Variants in MYO3A observed in about 807,000 individuals in gnomAD.
MYO3A encodes myosin-IIIa.
In MYO3A, 180 loss-of-function variants were observed where a neutral mutation model predicts 192.7. The ratio of observed to expected loss-of-function variants is 0.93; its 90% CI spans 0.83 to 1.06. MYO3A has a LOEUF of 1.06. Ranked by LOEUF, MYO3A falls within the 50% of genes least tolerant of loss-of-function variation. MYO3A has a pLI of 0.00. For missense variants in MYO3A, 1,896 were observed against 1,905.0 expected, an observed-to-expected ratio of 1.00 and a Z score of 0.09; for synonymous variants, 628 against 645.3, an observed-to-expected ratio of 0.97 and a Z score of 0.41.
intron 20 of MYO3A, among the ~76,000 whole-genome samples, chr10:26,132,595 G>A (rs957941054): frequency 6.6e-6 from 1 of 152,060 alleles, no homozygotes; most frequent in African/African-American, 2.4e-5. Flanking sequence ...TTATTTATGT[G>A]TGCCTATTTG....
At chr10:25,995,338 C>T (rs957332728) in intron 4 of MYO3A, among the ~76,000 whole-genome samples, 8 of 152,144 alleles carry the variant, frequency 5.3e-5, no homozygotes, top group African/African-American at 1.2e-4. Flanking sequence ...GTTCTCGTGC[C>T]GTGGTTTTCA....
intron 10 of MYO3A, among the ~76,000 whole-genome samples, chr10:26,047,915 A>G (rs557279976): frequency 1.7e-3 from 254 of 152,206 alleles, no homozygotes; most frequent in African/African-American, 5.6e-3. Flanking sequence ...AACAAGATGC[A>G]TGGGTTGAAT....
At chr10:26,096,988 G>A (rs1837079551) in intron 17 of MYO3A, among the ~76,000 whole-genome samples, 1 of 151,232 alleles carries the variant, frequency 6.6e-6, no homozygotes, top group Non-Finnish European at 1.5e-5. Flanking sequence ...TAAATTGCAT[G>A]TTCTTTTTAG....
At chr10:26,191,973 A>G (rs1589109516) in intron 31 of MYO3A, among the ~76,000 whole-genome samples, 1 of 152,220 alleles carries the variant, frequency 6.6e-6, no homozygotes, top group East Asian at 1.9e-4. Context: ...GCTCAGGTGT[A>G]TTGAATGAAG....
intron 31 of MYO3A, among the ~76,000 whole-genome samples, chr10:26,190,352 T>G (rs1232104265): frequency 3.3e-5 from 5 of 152,220 alleles, no homozygotes; most frequent in East Asian, 1.9e-4. Context: ...GAAATAATGC[T>G]GCCATTGAGG....
At chr10:26,202,891 A>C in intron 33 of MYO3A, 73 bp from the exon 34 acceptor site, 3 of 1,535,618 alleles carry the variant, frequency 2.0e-6, no homozygotes, top group Non-Finnish European at 1.8e-6. Flanking sequence ...TTAAAGAAAA[A>C]AAAGTATCCT....
intron 25 of MYO3A, among the ~76,000 whole-genome samples, chr10:26,157,079 C>T (rs533879807): frequency 1.6e-4 from 24 of 152,224 alleles, no homozygotes; most frequent in African/African-American, 5.8e-4. Flanking sequence ...CTTTTAATAG[C>T]TAAATTTCTA....
At chr10:26,029,322 A>T (rs1283213871) in intron 10 of MYO3A, among the ~76,000 whole-genome samples, 1 of 152,138 alleles carries the variant, frequency 6.6e-6, no homozygotes, top group Non-Finnish European at 1.5e-5. Context: ...GAAATTTTTC[A>T]GTTGTTCTTT....
Position 26,125,629 on chromosome 10 carries a change from A to T in MYO3A, c.2114+21A>T, listed in dbSNP as rs748248438. On this transcript the variant is annotated intron_variant, in intron 19 of 34. Transcript: ENST00000642920. ...CCAAGGTAAAAATTTTTACAGAAACATTTTTTTCCCAAATGTCAGGTGATG... is the reference window on the plus strand; with the variant it reads ...CCAAGGTAAAAATTTTTACAGAAACTTTTTTTTCCCAAATGTCAGGTGATG... 9.1e-5 allele frequency: 146 copies of T among 1,599,248 alleles called. No homozygotes were observed. The Admixed American group carries it at 2.4e-3, about 26-fold the overall frequency.
intron 31 of MYO3A, 147 bp from the exon 32 acceptor site, chr10:26,193,058 G>C (rs995705951): frequency 4.3e-6 from 3 of 691,722 alleles, no homozygotes; most frequent in Non-Finnish European, 5.1e-6. Flanking sequence ...GTAGGATAAG[G>C]GTTGGTTATG....
chr10:26,013,319 AT>A (rs1841789295), intron 6 of MYO3A, among the ~76,000 whole-genome samples: 1 of 134,732 alleles, frequency 7.4e-6, no homozygotes, highest in Non-Finnish European at 1.8e-5. Context: ...AGAATAAATA[AT>A]CAACGGAATA....
chr10:26,055,158 G>A (rs72795849), intron 10 of MYO3A, among the ~76,000 whole-genome samples: 24,865 of 152,026 alleles, frequency 0.16, 2,329 homozygotes, highest in Non-Finnish European at 0.21. Context: ...CACTTCTTCC[G>A]CTTGCAGCTT....
Position 26,168,699 on chromosome 10 carries a change from T to G in MYO3A, c.3112-13T>G. On this transcript the variant is annotated splice_polypyrimidine_tract_variant and intron_variant, in intron 27 of 34. Transcript: ENST00000642920. Reference sequence around the variant, plus strand: ...TGTGCCATGGTTCTTTGTATTATATTTTAATTTTTCAGGTGTTCCTTAAGT... The same window carrying G: ...TGTGCCATGGTTCTTTGTATTATATGTTAATTTTTCAGGTGTTCCTTAAGT... 6.2e-7 allele frequency: 1 copy of G among 1,610,242 alleles called. No individual in the cohort carries two copies. The highest frequency in any genetic ancestry group is 1.1e-5 in the South Asian group (1 of 90,960).
chr10:26,038,213 G>A (rs996839678), intron 10 of MYO3A, among the ~76,000 whole-genome samples: 26 of 152,062 alleles, frequency 1.7e-4, no homozygotes, highest in East Asian at 1.9e-4. Context: ...ATAAATTTTA[G>A]CAGTGTTTTT....
At chr10:25,943,356 C>T (rs1185536196) in intron 2 of MYO3A, among the ~76,000 whole-genome samples, 1 of 152,008 alleles carries the variant, frequency 6.6e-6, no homozygotes, top group Non-Finnish European at 1.5e-5. Flanking sequence ...TACAAGATTA[C>T]TGGAGATCCT....
chr10:26,144,292 G>A (rs1445959047), intron 21 of MYO3A, among the ~76,000 whole-genome samples: 4 of 151,794 alleles, frequency 2.6e-5, no homozygotes, highest in Non-Finnish European at 2.9e-5. Flanking sequence ...GATGATAGGA[G>A]GTATTTATTC....
chr10:26,189,729 A>G lies in MYO3A; in HGVS notation c.4439-3476A>G, dbSNP rs1162467189. ...AAAGAAAAAAGAGGCATCATCATAAATTTTTGAAACTTGAAATTTCACAAT... is the reference window on the plus strand; with the variant it reads ...AAAGAAAAAAGAGGCATCATCATAAGTTTTTGAAACTTGAAATTTCACAAT... On this transcript the variant is annotated intron_variant, in intron 31 of 34. Coordinates refer to ENST00000642920, the MANE Select transcript of MYO3A (RefSeq NM_017433.5). 2.6e-5 allele frequency among the ~76,000 whole-genome samples: 4 copies of G among 152,220 alleles called. No individual in the cohort carries two copies. In the East Asian group the frequency reaches 7.7e-4, roughly 29 times the overall value.
chr10:25,974,538 A>C (rs1338228599), intron 4 of MYO3A, among the ~76,000 whole-genome samples: 1 of 152,132 alleles, frequency 6.6e-6, no homozygotes, highest in Admixed American at 6.5e-5. Flanking sequence ...TCTCTGAGCC[A>C]CTGTTCAGGA....
intron 10 of MYO3A, among the ~76,000 whole-genome samples, chr10:26,066,181 T>C (rs1309461145): frequency 1.3e-5 from 2 of 151,748 alleles, no homozygotes; most frequent in African/African-American, 4.8e-5. Context: ...GGCAGTTTAT[T>C]AATAGGCTTA....
Sources: gnomAD v4.1 joint callset for allele counts (sites outside exome capture counted in the v4.1 genomes callset) on GRCh38, gnomAD v4.1.1 for gene constraint, MANE v1.5 for transcripts, NCBI Gene and HGNC (gene_info 2026-07-23, HGNC 2026-07-21) for gene names.